The following API5 variants were observed in gnomAD, a reference collection of about 807,000 sequenced individuals.
The protein encoded by API5 is apoptosis inhibitor 5.
A neutral mutation model predicts 71.9 loss-of-function variants in API5; 6 were observed. The ratio of observed to expected loss-of-function variants is 0.08; its 90% CI spans 0.05 to 0.16. API5 has a LOEUF of 0.16. Ranked by LOEUF, API5 falls within the 10% of genes least tolerant of loss-of-function variation. The pLI is 1.00. For synonymous variants in API5, 189 were observed against 221.3 expected (o/e 0.85, Z 1.30); for missense variants, 332 against 612.8 (o/e 0.54, Z 4.84).
At chr11:43,332,923 C>T (rs1227612559) in intron 11 of API5, among the ~76,000 whole-genome samples, 1 of 152,150 alleles carries the variant, frequency 6.6e-6, no homozygotes, top group Non-Finnish European at 1.5e-5. Flanking sequence ...TTCCAAAAAT[C>T]ACCTCATTAA....
chr11:43,337,747 TATCTC>T lies in API5; in HGVS notation c.1492+1755_1492+1759del, dbSNP rs139156176. Among the ~76,000 whole-genome samples the T allele has an allele frequency of 6.5e-3, 993 of 152,356 alleles. 11 individuals are homozygous for T. The highest frequency in any genetic ancestry group is 0.023 in the African/African-American group (938 of 41,588). On this transcript the variant is annotated intron_variant, in intron 13 of 13. Coordinates refer to ENST00000531273, the MANE Select transcript of API5 (RefSeq NM_001142930.2). ...CAGTACCATTCTTAAAATCAAAAGTTATCTCAGATACTGGGAGAATGGCTTTAATG... is the reference window on the plus strand; with the variant it reads ...CAGTACCATTCTTAAAATCAAAAGTTAGATACTGGGAGAATGGCTTTAATG...
intron 13 of API5, among the ~76,000 whole-genome samples, chr11:43,340,406 C>A (rs1212791921): frequency 6.6e-6 from 1 of 152,090 alleles, no homozygotes; most frequent in Non-Finnish European, 1.5e-5. Context: ...AACTGACATT[C>A]TTCACAGAAA....
chr11:43,330,265 AT>A lies in API5; in HGVS notation c.1221+213del, dbSNP rs1406028806. 6 of 611,376 alleles carry A rather than the reference AT, an allele frequency of 9.8e-6. No homozygotes were observed. In the African/African-American group the frequency reaches 1.1e-4, roughly 11 times the overall value. 37.9% of individuals were successfully genotyped at this position (611,376 alleles called of 1,614,324 possible). ...CTTCTATGTGCATGTGACCTTACTC[AT>A]TTTTTAGCTACATTCTAACCTGTCA... On this transcript the variant is annotated intron_variant, in intron 10 of 13. Transcript: ENST00000531273.
chr11:43,332,232 A>G (rs941509342), intron 11 of API5: 1 of 152,204 alleles, frequency 6.6e-6, no homozygotes, highest in South Asian at 2.1e-4. Flanking sequence ...GTTATTCCCC[A>G]TACATCAAGT....
intron 2 of API5, among the ~76,000 whole-genome samples, chr11:43,319,379 CAG>C (rs1028235458): frequency 1.3e-5 from 2 of 152,142 alleles, no homozygotes; most frequent in African/African-American, 4.8e-5. Flanking sequence ...TCAGATGAAA[CAG>C]CGAATTGCCA....
chr11:43,329,983 G>C lies in API5; in HGVS notation c.1146G>C (p.Arg382=). ...CATTTAGGCTGCAGTACTTTGCACGGGGCCTGCAAGTTTATATCAGACAAC... is the reference window on the plus strand; with the variant it reads ...CATTTAGGCTGCAGTACTTTGCACGCGGCCTGCAAGTTTATATCAGACAAC... ...DFKIRLQYFA[R]GLQVYIRQLR... The change falls in exon 10 of 14, where the codon CGG becomes CGC. Residue 382 remains arginine, a synonymous_variant. Transcript: ENST00000531273. 1 of 1,613,724 alleles carries C rather than the reference G, an allele frequency of 6.2e-7. No individual in the cohort carries two copies. Among genetic ancestry groups the C allele is most frequent in the Middle Eastern group, 1.7e-4 (1 of 6,058 alleles).
chr11:43,343,222 A>G lies in API5; in HGVS notation c.*712A>G, dbSNP rs1855681260. 1 of 152,540 alleles carries G rather than the reference A, an allele frequency of 6.6e-6. No homozygotes were observed. Among genetic ancestry groups the G allele is most frequent in the African/African-American group, 2.4e-5 (1 of 41,418 alleles). The allele number at this position is 152,540 out of a possible 1,614,324, so 9.4% of individuals were successfully genotyped here. ...TGTGTGTGTGTGTGTATATATATAT[A>G]TATGCATGCTGTGAAACTTGACTAC... On this transcript the variant is annotated 3_prime_UTR_variant, in exon 14 of 14. Coordinates refer to ENST00000531273, the MANE Select transcript of API5 (RefSeq NM_001142930.2).
chr11:43,313,350 G>A (rs147777378), intron 1 of API5, among the ~76,000 whole-genome samples: 1 of 152,294 alleles, frequency 6.6e-6, no homozygotes, highest in African/African-American at 2.4e-5. Context: ...AACTTGATAA[G>A]TGGTTGGGTA....
At chr11:43,314,334 G>T (rs1475761855) in intron 1 of API5, among the ~76,000 whole-genome samples, 1 of 152,098 alleles carries the variant, frequency 6.6e-6, no homozygotes, top group Non-Finnish European at 1.5e-5. Context: ...CTTTGAAACC[G>T]TATACATAAT....
Position 43,342,805 on chromosome 11 carries a change from G to C in API5, c.*295G>C. 1 of 590,588 alleles carries C rather than the reference G, an allele frequency of 1.7e-6. No homozygotes were observed. The highest frequency in any genetic ancestry group is 3.0e-6 in the Non-Finnish European group (1 of 332,668). The allele number at this position is 590,588 out of a possible 1,614,324, so 36.6% of individuals were successfully genotyped here. A position where few individuals can be genotyped will look rare whatever the true frequency, so the allele number is the denominator to read the frequency against. Reference sequence around the variant, plus strand: ...AAACATCTTGATAATTTGTTGTTGAGAGCTGTTCATTCTAAAATGTAATGA... The same window carrying C: ...AAACATCTTGATAATTTGTTGTTGACAGCTGTTCATTCTAAAATGTAATGA... On this transcript the variant is annotated 3_prime_UTR_variant, in exon 14 of 14. Transcript: ENST00000531273.
At position 43,326,619 on chromosome 11, in the gene API5, A is replaced by C. The variant is rs1157516145; in HGVS notation, c.855+8A>C. The stretch of plus-strand genomic sequence containing the variant: ...CTTGATATACAGTTGGAGGTAAGCA[A>C]AAATTTCAGCTTTAGCACTGATAAG... On this transcript the variant is annotated splice_region_variant and intron_variant, in intron 7 of 13. Coordinates refer to ENST00000531273, the MANE Select transcript of API5 (RefSeq NM_001142930.2). 3.2e-6 allele frequency: 5 copies of C among 1,543,796 alleles called. No homozygotes were observed. The South Asian group carries it at 5.7e-5, about 18-fold the overall frequency.
chr11:43,325,933 A>G (rs1590361944), intron 6 of API5, among the ~76,000 whole-genome samples: 1 of 152,312 alleles, frequency 6.6e-6, no homozygotes, highest in East Asian at 1.9e-4. Context: ...TTGGCCAAAG[A>G]TTGAGCAGGA....
intron 11 of API5, among the ~76,000 whole-genome samples, chr11:43,333,399 C>T (rs1855322627): frequency 6.6e-6 from 1 of 152,126 alleles, no homozygotes; most frequent in African/African-American, 2.4e-5. Context: ...CCAAAGAATG[C>T]TGGTCAGTGC....
intron 1 of API5, among the ~76,000 whole-genome samples, chr11:43,316,807 A>G (rs972787548): frequency 2.6e-5 from 4 of 151,914 alleles, no homozygotes; most frequent in Non-Finnish European, 4.4e-5. Flanking sequence ...AGCACACACC[A>G]CCATGCCTGG....
At chr11:43,339,965 T>G (rs568297146) in intron 13 of API5, among the ~76,000 whole-genome samples, 6 of 151,996 alleles carry the variant, frequency 3.9e-5, no homozygotes, top group Non-Finnish European at 8.8e-5. Flanking sequence ...GAGAAAGAAA[T>G]AAAGGGCATC....
chr11:43,330,356 T>C, intron 10 of API5, 152 bp from the exon 11 acceptor site: 1 of 688,254 alleles, frequency 1.5e-6, no homozygotes, highest in Non-Finnish European at 2.6e-6. Flanking sequence ...GCAATAGGAA[T>C]ACGCATTATC....
chr11:43,325,170 A>G (rs1465718129), intron 6 of API5, among the ~76,000 whole-genome samples: 1 of 152,224 alleles, frequency 6.6e-6, no homozygotes, highest in Admixed American at 6.5e-5. Flanking sequence ...TTGTACTTAT[A>G]ACATGTCTGA....
chr11:43,331,002 G>GA (rs1855233066), intron 11 of API5, among the ~76,000 whole-genome samples: 1 of 151,868 alleles, frequency 6.6e-6, no homozygotes, highest in South Asian at 2.1e-4. Context: ...GAGAGAACCA[G>GA]AAAAAAATCA....
At chr11:43,331,474 T>A in intron 11 of API5, 1 of 207,802 alleles carries the variant, frequency 4.8e-6, no homozygotes, top group Non-Finnish European at 9.5e-6. Flanking sequence ...ACAATAAAGC[T>A]GCAGGAAAAA....
Sources: allele counts gnomAD v4.1 joint callset (sites outside exome capture counted in the v4.1 genomes callset), GRCh38; gene constraint gnomAD v4.1.1; transcripts MANE v1.5; gene names NCBI Gene and HGNC (gene_info 2026-07-23, HGNC 2026-07-21).